Variants in UBL3 observed in about 807,000 individuals in gnomAD.
The protein encoded by UBL3 is ubiquitin like 3, also known as ubiquitin-like protein 3.
A neutral mutation model predicts 18.4 loss-of-function variants in UBL3; 6 were observed. The observed-to-expected ratio is 0.33, with a 90% CI of 0.18 to 0.64. The LOEUF (loss-of-function observed/expected upper bound fraction) is 0.64, where lower values mean the gene tolerates loss of function less well. Among genes scored for constraint, UBL3 ranks in the 30% least tolerant of loss-of-function variants. UBL3 has a pLI of 0.76. For synonymous variants in UBL3, 49 were observed against 46.6 expected, an observed-to-expected ratio of 1.05 and a Z score of -0.21; for missense variants, 109 against 142.9, an observed-to-expected ratio of 0.76 and a Z score of 1.21.
chr13:29,790,435 CCTT>C (rs1310169807), intron 1 of UBL3, among the ~76,000 whole-genome samples: 1 of 152,062 alleles, frequency 6.6e-6, no homozygotes, highest in East Asian at 1.9e-4. Flanking sequence ...ACATCAAAAA[CCTT>C]CTTCTCATTT....
chr13:29,834,747 A>C (rs1231624441), intron 1 of UBL3, among the ~76,000 whole-genome samples: 4 of 152,142 alleles, frequency 2.6e-5, no homozygotes, highest in Non-Finnish European at 5.9e-5. Flanking sequence ...TATAGTAAAG[A>C]GGATATGACA....
At chr13:29,809,277 TGAA>T (rs141537644) in intron 1 of UBL3, among the ~76,000 whole-genome samples, 2,139 of 152,184 alleles carry the variant, frequency 0.014, 44 homozygotes, top group African/African-American at 0.049. Context: ...CACTGAGACC[TGAA>T]GAAGGAGTCA....
intron 1 of UBL3, among the ~76,000 whole-genome samples, chr13:29,825,638 TC>T (rs1327670932): frequency 2.0e-5 from 3 of 152,218 alleles, no homozygotes; most frequent in Non-Finnish European, 4.4e-5. Context: ...TACAATCATG[TC>T]ATCTGCAAAC....
intron 1 of UBL3, among the ~76,000 whole-genome samples, chr13:29,800,762 T>G (rs968591666): frequency 9.2e-5 from 14 of 152,182 alleles, no homozygotes; most frequent in African/African-American, 3.4e-4. Flanking sequence ...TTGCCCTAAG[T>G]AACAAACACT....
intron 1 of UBL3, among the ~76,000 whole-genome samples, chr13:29,792,985 CTA>C (rs1376836329): frequency 6.6e-6 from 1 of 152,156 alleles, no homozygotes; most frequent in Non-Finnish European, 1.5e-5. Context: ...AGGCATCACA[CTA>C]TGTTTGTTTT....
chr13:29,815,127 T>C (rs1049901909), intron 1 of UBL3, among the ~76,000 whole-genome samples: 2 of 152,124 alleles, frequency 1.3e-5, no homozygotes, highest in African/African-American at 4.8e-5. Context: ...CAAAACACAG[T>C]AGCAATTGAA....
At chr13:29,792,199 T>G (rs1488064995) in intron 1 of UBL3, among the ~76,000 whole-genome samples, 1 of 152,168 alleles carries the variant, frequency 6.6e-6, no homozygotes, top group Non-Finnish European at 1.5e-5. Context: ...TACTAAAATA[T>G]TTCAAAGATA....
At chr13:29,800,359 T>A (rs1008792459) in intron 1 of UBL3, among the ~76,000 whole-genome samples, 4 of 152,164 alleles carry the variant, frequency 2.6e-5, no homozygotes, top group Non-Finnish European at 4.4e-5. Context: ...TGATGGCCAA[T>A]GAGTAGGCAG....
At chr13:29,811,558 G>A (rs371889373) in intron 1 of UBL3, among the ~76,000 whole-genome samples, 3 of 152,056 alleles carry the variant, frequency 2.0e-5, no homozygotes, top group African/African-American at 7.2e-5. Flanking sequence ...GAAACTGGTA[G>A]ATAGACTGTC....
chr13:29,828,579 A>C lies in UBL3; in HGVS notation c.27+20933T>G, dbSNP rs575825066. ...GGTTATTCTAGTTAGCCATTCGTCT[A>C]ATCTTTTTTCAAGGTTTTTAGCTTC... On this transcript the variant is annotated intron_variant, in intron 1 of 4. Coordinates refer to ENST00000380680, the MANE Select transcript of UBL3 (RefSeq NM_007106.4). Among the ~76,000 whole-genome samples the C allele has an allele frequency of 1.9e-3, 284 of 152,260 alleles. 1 individual carries two copies. Among genetic ancestry groups the C allele is most frequent in the Non-Finnish European group, 3.1e-3 (211 of 68,010 alleles).
chr13:29,821,523 C>T (rs560191028), intron 1 of UBL3, among the ~76,000 whole-genome samples: 15 of 152,230 alleles, frequency 9.9e-5, no homozygotes, highest in African/African-American at 3.1e-4. Context: ...AAAGTAAGAT[C>T]GGGCTACTAC....
intron 1 of UBL3, among the ~76,000 whole-genome samples, chr13:29,790,219 T>C (rs1877446350): frequency 6.6e-6 from 1 of 152,208 alleles, no homozygotes; most frequent in Non-Finnish European, 1.5e-5. Context: ...TATAATAATA[T>C]ACATAGGACA....
chr13:29,809,155 A>C (rs1261265622), intron 1 of UBL3, among the ~76,000 whole-genome samples: 2 of 152,152 alleles, frequency 1.3e-5, no homozygotes, highest in South Asian at 4.1e-4. Flanking sequence ...ACAGGTAAAC[A>C]AGCAAACAAA....
chr13:29,790,390 T>TGC (rs1409433856), intron 1 of UBL3, among the ~76,000 whole-genome samples: 1 of 152,216 alleles, frequency 6.6e-6, no homozygotes, highest in African/African-American at 2.4e-5. Flanking sequence ...TACTGAACTG[T>TGC]GCTCCTAAAG....
At chr13:29,789,040 C>T (rs1201519922) in intron 1 of UBL3, among the ~76,000 whole-genome samples, 1 of 152,114 alleles carries the variant, frequency 6.6e-6, no homozygotes, top group African/African-American at 2.4e-5. Flanking sequence ...GCTGGGATTA[C>T]AGGCATGCAC....
chr13:29,849,873 G>C lies in UBL3; in HGVS notation c.-335C>G. 2.1e-6 allele frequency: 1 copy of C among 470,824 alleles called. No individual in the cohort carries two copies. The highest frequency in any genetic ancestry group is 3.9e-6 in the Non-Finnish European group (1 of 258,090). 29.2% of individuals were successfully genotyped at this position (470,824 alleles called of 1,614,324 possible). On this transcript the variant is annotated 5_prime_UTR_variant, in exon 1 of 5. Transcript: ENST00000380680. The stretch of plus-strand genomic sequence containing the variant: ...GCCGAGTGACACACGGACATGGAGA[G>C]GGGTGGGAGGGGGTTAAATGCGCCT...
intron 1 of UBL3, among the ~76,000 whole-genome samples, chr13:29,812,334 CT>C (rs955218572): frequency 1.3e-4 from 20 of 152,044 alleles, no homozygotes; most frequent in African/African-American, 4.8e-4. Flanking sequence ...GCAAGAACCA[CT>C]ACTCATGGTT....
At chr13:29,846,698 C>T (rs1360636991) in intron 1 of UBL3, among the ~76,000 whole-genome samples, 1 of 152,196 alleles carries the variant, frequency 6.6e-6, no homozygotes, top group African/African-American at 2.4e-5. Flanking sequence ...AACTTCACCA[C>T]TCCATCCCAT....
chr13:29,796,065 A>T (rs1008510781), intron 1 of UBL3, among the ~76,000 whole-genome samples: 3 of 152,092 alleles, frequency 2.0e-5, no homozygotes, highest in Non-Finnish European at 2.9e-5. Flanking sequence ...AACTTGAAAG[A>T]TCTACCGCAA....
Sources: gnomAD v4.1 joint callset for allele counts (sites outside exome capture counted in the v4.1 genomes callset) on GRCh38, gnomAD v4.1.1 for gene constraint, MANE v1.5 for transcripts, NCBI Gene and HGNC (gene_info 2026-07-23, HGNC 2026-07-21) for gene names.